The following PARD3B variants were observed in gnomAD, a reference collection of about 807,000 sequenced individuals.
PARD3B encodes the protein partitioning defective 3 homolog B.
PARD3B carries 103 observed loss-of-function variants against 130.2 expected under a neutral mutation model. The ratio of observed to expected loss-of-function variants is 0.79; its 90% CI spans 0.67 to 0.93. PARD3B has a LOEUF of 0.93. Among genes scored for constraint, PARD3B ranks in the 40% least tolerant of loss-of-function variants. The pLI, the probability that PARD3B is intolerant of heterozygous loss-of-function variation, is 0.00. For missense variants in PARD3B, 1,609 were observed against 1,499.2 expected (o/e 1.07, Z -1.21); for synonymous variants, 583 against 553.2 (o/e 1.05, Z -0.76).
intron 10 of PARD3B, among the ~76,000 whole-genome samples, chr2:205,155,269 G>C (rs955811504): frequency 6.6e-6 from 1 of 151,698 alleles, no homozygotes; most frequent in African/African-American, 2.4e-5. Context: ...GTAGATCCAT[G>C]CTCTCTGCAA....
Position 205,371,859 on chromosome 2 carries a change from G to T in PARD3B, c.2631-29154G>T, listed in dbSNP as rs111935238. On this transcript the variant is annotated intron_variant, in intron 18 of 22. Transcript: ENST00000406610. ...AACAACCACTAATCTACTTTCTGTC[G>T]CTCTACATTTGTCTATTCTATATAT... 1.9e-3 allele frequency among the ~76,000 whole-genome samples: 285 copies of T among 151,994 alleles called. 1 individual carries two copies. The highest frequency in any genetic ancestry group is 6.6e-3 in the African/African-American group (272 of 41,456).
chr2:205,299,449 G>A (rs2878692), intron 16 of PARD3B, among the ~76,000 whole-genome samples: 126,601 of 151,972 alleles, frequency 0.83, 52,975 homozygotes, highest in South Asian at 0.9. Context: ...AGTCTCCTTC[G>A]TAACTGGAAA....
At chr2:205,112,489 G>A (rs1703713698) in intron 5 of PARD3B, among the ~76,000 whole-genome samples, 1 of 152,206 alleles carries the variant, frequency 6.6e-6, no homozygotes, top group African/African-American at 2.4e-5. Context: ...AGCATTTGTA[G>A]CAGCTGTAGC....
chr2:205,054,426 ATATATATATATTTTTTTTT>A (rs1279830479), intron 4 of PARD3B, among the ~76,000 whole-genome samples: 9 of 23,810 alleles, frequency 3.8e-4, no homozygotes, highest in African/African-American at 1.1e-3. Flanking sequence ...ATATATATAT[ATATATATATATTTTTTTTT>A]TTTTTTTTTT....
rs564594527 is a variant in PARD3B at position 205,563,141 on chromosome 2, T to C, written c.3260+9738T>C. On this transcript the variant is annotated intron_variant, in intron 22 of 22. Coordinates refer to ENST00000406610, the MANE Select transcript of PARD3B (RefSeq NM_001302769.2). The surrounding 1 kb of genome is among the most constrained non-coding windows in gnomAD (Gnocchi z 4.2). The stretch of plus-strand genomic sequence containing the variant: ...GAGTAATTAACAGTAAAATCACTAG[T>C]CTTATTTTCCATTTTTATATACCAA... Among the ~76,000 whole-genome samples the C allele has an allele frequency of 6.6e-6, 1 of 152,318 alleles. No homozygotes were observed. The highest frequency in any genetic ancestry group is 1.9e-4 in the East Asian group (1 of 5,190).
chr2:205,031,101 A>G (rs1697387212), intron 3 of PARD3B, among the ~76,000 whole-genome samples: 1 of 152,192 alleles, frequency 6.6e-6, no homozygotes, highest in South Asian at 2.1e-4. Context: ...AGACTGCCAC[A>G]GACTAGAAAG....
intron 2 of PARD3B, among the ~76,000 whole-genome samples, chr2:204,923,957 G>A (rs1379045938): frequency 6.6e-6 from 1 of 152,038 alleles, no homozygotes; most frequent in Non-Finnish European, 1.5e-5. Context: ...CTAAGGACAT[G>A]TTACAACTGT....
At chr2:204,927,390 A>C (rs1223828663) in intron 2 of PARD3B, among the ~76,000 whole-genome samples, 2 of 152,108 alleles carry the variant, frequency 1.3e-5, no homozygotes, top group Non-Finnish European at 2.9e-5. Flanking sequence ...GAAGTCAACC[A>C]TCTATGAACC....
At chr2:205,168,487 A>G (rs1325685663) in intron 11 of PARD3B, among the ~76,000 whole-genome samples, 1 of 152,166 alleles carries the variant, frequency 6.6e-6, no homozygotes, top group East Asian at 1.9e-4. Context: ...AAAAACCATA[A>G]AAAGCTGATT....
In PARD3B at chr2:205,550,455, A is replaced by G. The variant is rs773444008; in HGVS notation, c.3181-2869A>G. ...GGAGAAACATACAAAGATATACACA[A>G]TTAGTGAAGGACAGAATAATTTCTT... On this transcript the variant is annotated intron_variant, in intron 21 of 22. Transcript: ENST00000406610. The surrounding 1 kb of genome is among the most constrained non-coding windows in gnomAD (Gnocchi z 4.5). 1.3e-5 allele frequency among the ~76,000 whole-genome samples: 2 copies of G among 152,202 alleles called. No individual in the cohort carries two copies. The highest frequency in any genetic ancestry group is 1.3e-4 in the Admixed American group (2 of 15,276).
chr2:204,955,693 G>A (rs1291582931), intron 2 of PARD3B, among the ~76,000 whole-genome samples: 1 of 152,152 alleles, frequency 6.6e-6, no homozygotes, highest in Non-Finnish European at 1.5e-5. Flanking sequence ...TTTCTTATGA[G>A]TATGAAATAA....
intron 1 of PARD3B, among the ~76,000 whole-genome samples, chr2:204,558,394 C>T (rs780348357): frequency 2.0e-4 from 30 of 152,258 alleles, no homozygotes; most frequent in Non-Finnish European, 2.9e-4. Flanking sequence ...CATTCCTATA[C>T]ACCAATAACA....
chr2:204,860,388 A>T (rs2045134617), intron 2 of PARD3B, among the ~76,000 whole-genome samples: 1 of 152,216 alleles, frequency 6.6e-6, no homozygotes, highest in Admixed American at 6.5e-5. Context: ...AATAGCATTC[A>T]GGCAGCGTGG....
chr2:205,072,958 T>G (rs948343264), intron 4 of PARD3B, among the ~76,000 whole-genome samples: 90 of 152,314 alleles, frequency 5.9e-4, no homozygotes, highest in African/African-American at 2.0e-3. Flanking sequence ...ATACAGTAAC[T>G]GCAGAAATTA....
At chr2:204,972,818 G>A (rs1185180052) in intron 3 of PARD3B, among the ~76,000 whole-genome samples, 1 of 152,118 alleles carries the variant, frequency 6.6e-6, no homozygotes, top group Non-Finnish European at 1.5e-5. Flanking sequence ...GGAATGAAAG[G>A]TCACCTTTCC....
rs1327735849 is a variant in PARD3B, at chr2:205,274,878, G to T, written c.2186-25652G>T. ...AAACCACTCAGAAAACTGGTAAAAA[G>T]CAGAATTGTCATTTTACTAAATATT... On this transcript the variant is annotated intron_variant, in intron 16 of 22. Transcript: ENST00000406610. The surrounding 1 kb of genome is among the most constrained non-coding windows in gnomAD (Gnocchi z 4.2). 2.0e-5 allele frequency among the ~76,000 whole-genome samples: 3 copies of T among 152,086 alleles called. No homozygotes were observed. The highest frequency in any genetic ancestry group is 7.2e-5 in the African/African-American group (3 of 41,414).
chr2:205,136,872 A>G (rs1490357211), intron 10 of PARD3B, among the ~76,000 whole-genome samples: 1 of 152,206 alleles, frequency 6.6e-6, no homozygotes, highest in Admixed American at 6.5e-5. Context: ...ATTGGAGATG[A>G]CAGGAATCAA....
rs189888615 is a variant in PARD3B, at chr2:205,176,969, G to A, written c.1924+392G>A. Among the ~76,000 whole-genome samples, 81 of 152,232 alleles carry A rather than the reference G, an allele frequency of 5.3e-4. No individual in the cohort carries two copies. The highest frequency in any genetic ancestry group is 1.5e-3 in the South Asian group (7 of 4,822). ...TTATAATCCATAAAATGGTCATAGC[G>A]TGATTCACAGATGATCCTCGATTCT... On this transcript the variant is annotated intron_variant, in intron 13 of 22. Transcript: ENST00000406610. The surrounding 1 kb of genome is among the most constrained non-coding windows in gnomAD (Gnocchi z 5.3).
chr2:205,478,589 C>T (rs2049112229), intron 20 of PARD3B, among the ~76,000 whole-genome samples: 1 of 152,158 alleles, frequency 6.6e-6, no homozygotes, highest in African/African-American at 2.4e-5. Context: ...GCAGTTCTCC[C>T]TTTAGTCCTG....
Sources: allele counts gnomAD v4.1 joint callset (sites outside exome capture counted in the v4.1 genomes callset), GRCh38; gene constraint gnomAD v4.1.1; non-coding constraint Gnocchi (gnomAD v3.1); transcripts MANE v1.5; gene names NCBI Gene and HGNC (gene_info 2026-07-23, HGNC 2026-07-21).